Variants in GLYATL3 observed in about 807,000 individuals in gnomAD.
GLYATL3 encodes glycine N-acyltransferase-like protein 3.
A neutral mutation model predicts 28.5 loss-of-function variants in GLYATL3; 31 were observed. The ratio of observed to expected loss-of-function variants is 1.09; its 90% CI spans 0.82 to 1.47. The LOEUF is 1.47. Ranked by LOEUF, GLYATL3 falls within the 40% of genes most tolerant of loss-of-function variation. The pLI is 0.00. For synonymous variants in GLYATL3, 141 were observed against 140.2 expected (o/e 1.01, Z -0.04); for missense variants, 369 against 351.5 (o/e 1.05, Z -0.40).
chr6:49,516,209 A>C (rs1427897663), intron 3 of GLYATL3, among the ~76,000 whole-genome samples: 2 of 152,036 alleles, frequency 1.3e-5, no homozygotes, highest in Non-Finnish European at 2.9e-5. Flanking sequence ...GGGCTCCCAA[A>C]GTGCTGGGAT....
chr6:49,515,685 GAACCCCTTTCA>G lies in GLYATL3; in HGVS notation c.114_124del (p.Asn38LysfsTer23). The G allele has an allele frequency of 6.4e-7, 1 of 1,551,004 alleles. No individual in the cohort carries two copies. The highest frequency in any genetic ancestry group is 8.7e-7 in the Non-Finnish European group (1 of 1,146,398). On this transcript the variant is annotated frameshift_variant, in exon 3 of 6. Coordinates refer to ENST00000371197, the MANE Select transcript of GLYATL3 (RefSeq NM_001010904.2). LOFTEE classifies it high-confidence loss of function. ...GAGCGGTGATGAACATAAATCGTGG[GAACCCCTTTCA>G]AAAGGAAGTGGTGTTGGATTCATGG...
chr6:49,527,269 T>G lies in GLYATL3; in HGVS notation c.*355T>G, dbSNP rs1036141485. On this transcript the variant is annotated 3_prime_UTR_variant, in exon 6 of 6. Transcript: ENST00000371197. ...GGACCACGTGGCTACTGCTTTTTGA[T>G]TGCTGCTTGGACCTCTGCTCTGTAT... is the stretch of plus-strand genomic sequence containing the variant. Among the ~76,000 whole-genome samples the G allele has an allele frequency of 1.1e-4, 16 of 152,186 alleles. No individual in the cohort carries two copies. Among genetic ancestry groups the G allele is most frequent in the Admixed American group, 2.0e-4 (3 of 15,268 alleles).
In GLYATL3 at chr6:49,526,961, C is replaced by A; in HGVS notation, c.*47C>A. The stretch of plus-strand genomic sequence containing the variant: ...TTTTATTACTTTCCCTGAGCATACA[C>A]ACACTCTTGGCTGCCAACGAGGGGA... On this transcript the variant is annotated 3_prime_UTR_variant, in exon 6 of 6. Transcript: ENST00000371197. The A allele has an allele frequency of 7.4e-7, 1 of 1,358,418 alleles. No individual in the cohort carries two copies. The highest frequency in any genetic ancestry group is 9.8e-7 in the Non-Finnish European group (1 of 1,018,534). The allele number at this position is 1,358,418 out of a possible 1,614,324, so 84.1% of individuals were successfully genotyped here.
At chr6:49,518,864 C>A (rs1417697944) in intron 4 of GLYATL3, among the ~76,000 whole-genome samples, 1 of 152,056 alleles carries the variant, frequency 6.6e-6, no homozygotes, top group Non-Finnish European at 1.5e-5. Context: ...TGGCGTGAAC[C>A]CAGGAGGTGG....
chr6:49,509,915 T>C lies in GLYATL3; in HGVS notation c.-28-2048T>C, dbSNP rs550371821. ...TGCCAAATTTTAATTTAAACTTAAT[T>C]ATTTTTCTTGATATATTTTACGTAT... On this transcript the variant is annotated intron_variant, in intron 1 of 5. Transcript: ENST00000371197. Among the ~76,000 whole-genome samples the C allele has an allele frequency of 7.9e-5, 12 of 151,518 alleles. No individual in the cohort carries two copies. In the South Asian group the frequency reaches 2.5e-3, roughly 32 times the overall value.
intron 4 of GLYATL3, among the ~76,000 whole-genome samples, chr6:49,517,912 T>G (rs934002093): frequency 6.6e-6 from 1 of 152,226 alleles, no homozygotes; most frequent in East Asian, 1.9e-4. Context: ...TTCTATCACA[T>G]TTTTAAAATA....
chr6:49,507,938 G>A (rs955109151), intron 1 of GLYATL3, among the ~76,000 whole-genome samples: 3 of 152,122 alleles, frequency 2.0e-5, no homozygotes, highest in African/African-American at 7.2e-5. Context: ...GTCACATGGG[G>A]ATGAAGTAAT....
intron 3 of GLYATL3, among the ~76,000 whole-genome samples, chr6:49,516,965 G>C (rs1327667773): frequency 3.3e-5 from 5 of 151,422 alleles, no homozygotes; most frequent in Non-Finnish European, 7.4e-5. Context: ...AGACCATCCT[G>C]GCCAACACGG....
At chr6:49,503,550 T>G (rs969490809) in intron 1 of GLYATL3, among the ~76,000 whole-genome samples, 2 of 152,226 alleles carry the variant, frequency 1.3e-5, no homozygotes, top group African/African-American at 4.8e-5. Context: ...ACAATCTCTG[T>G]GACCTTGAGA....
rs1049645629 is a variant in GLYATL3, at chr6:49,527,570, C to T, written c.*656C>T. 2.0e-5 allele frequency among the ~76,000 whole-genome samples: 3 copies of T among 152,166 alleles called. No homozygotes were observed. The East Asian group carries it at 5.8e-4, about 29-fold the overall frequency. ...ACACATCACTAGGCCTCTCCTTCTA[C>T]GAGGTAGGGCCCAAAATTTGCATTT... On this transcript the variant is annotated 3_prime_UTR_variant, in exon 6 of 6. Transcript: ENST00000371197.
intron 5 of GLYATL3, among the ~76,000 whole-genome samples, chr6:49,523,109 T>C (rs1245025433): frequency 1.3e-5 from 2 of 152,128 alleles, no homozygotes; most frequent in African/African-American, 2.4e-5. Context: ...ACGGCTATGA[T>C]TGATTACAAT....
intron 1 of GLYATL3, among the ~76,000 whole-genome samples, chr6:49,509,996 TTCTTTCTC>T (rs1455074685): frequency 1.4e-5 from 2 of 145,380 alleles, no homozygotes; most frequent in African/African-American, 5.0e-5. Flanking sequence ...CTTTCTTTCT[TTCTTTCTC>T]TTTCTTTCCT....
chr6:49,515,574 G>A (rs1379857797), intron 2 of GLYATL3, 79 bp from the exon 3 acceptor site: 1 of 784,056 alleles, frequency 1.3e-6, no homozygotes, highest in African/African-American at 1.7e-5. Flanking sequence ...TTACACAGTA[G>A]AACAAGAGGT....
At chr6:49,525,112 T>G (rs1769384134) in intron 5 of GLYATL3, among the ~76,000 whole-genome samples, 1 of 150,184 alleles carries the variant, frequency 6.7e-6, no homozygotes, top group South Asian at 2.1e-4. Flanking sequence ...TTTTTTTTAT[T>G]GAGCAAAAGA....
At chr6:49,524,081 G>A (rs549896195) in intron 5 of GLYATL3, among the ~76,000 whole-genome samples, 110 of 151,390 alleles carry the variant, frequency 7.3e-4, no homozygotes, top group Non-Finnish European at 8.5e-4. Context: ...ACTCAACTGC[G>A]TGAACTCTAT....
chr6:49,526,147 G>T (rs1334806520), intron 5 of GLYATL3, among the ~76,000 whole-genome samples: 1 of 152,158 alleles, frequency 6.6e-6, no homozygotes, highest in African/African-American at 2.4e-5. Flanking sequence ...CGGGCATGGT[G>T]GCTCACGCCT....
chr6:49,519,724 G>T (rs1016928635), intron 4 of GLYATL3, among the ~76,000 whole-genome samples: 1 of 152,190 alleles, frequency 6.6e-6, no homozygotes, highest in South Asian at 2.1e-4. Flanking sequence ...GACATATCCT[G>T]CATAGGAATG....
chr6:49,506,837 G>T (rs1769019519), intron 1 of GLYATL3, among the ~76,000 whole-genome samples: 1 of 152,100 alleles, frequency 6.6e-6, no homozygotes, highest in South Asian at 2.1e-4. Context: ...AGGGGCAGGG[G>T]AAAAGAAGGA....
At chr6:49,521,885 A>G in intron 5 of GLYATL3, 114 bp downstream of exon 5, 1 of 875,710 alleles carries the variant, frequency 1.1e-6, no homozygotes, top group Middle Eastern at 2.3e-4. Flanking sequence ...CTGGATTTCA[A>G]CCATTGAGCA....
Sources: allele counts gnomAD v4.1 joint callset (sites outside exome capture counted in the v4.1 genomes callset), GRCh38; gene constraint gnomAD v4.1.1; transcripts MANE v1.5; gene names NCBI Gene and HGNC (gene_info 2026-07-23, HGNC 2026-07-21).